The following PDZD2 variants were observed in gnomAD, a reference collection of about 807,000 sequenced individuals.
PDZD2 encodes PDZ domain containing 2, also known as PDZ domain-containing protein 2.
Under a neutral mutation model 220.7 loss-of-function variants are expected in PDZD2, and 90 were observed. The observed-to-expected ratio is 0.41, with a 90% confidence interval of 0.34 to 0.49. PDZD2 has a LOEUF of 0.49. PDZD2 is among the 20% of genes least tolerant of loss of function. PDZD2 has a pLI of 0.28. For synonymous variants in PDZD2, 1,375 were observed against 1,450.5 expected (o/e 0.95, Z 1.18); for missense variants, 3,174 against 3,608.5 (o/e 0.88, Z 3.08).
intron 1 of PDZD2, among the ~76,000 whole-genome samples, chr5:31,772,727 C>A (rs776288264): frequency 1.2e-4 from 18 of 144,240 alleles, no homozygotes; most frequent in Non-Finnish European, 2.4e-4. Flanking sequence ...GGAATCAGTG[C>A]TGCCTTTTTA....
chr5:31,925,352 A>T (rs896374749), intron 2 of PDZD2, among the ~76,000 whole-genome samples: 1 of 152,220 alleles, frequency 6.6e-6, no homozygotes, highest in African/African-American at 2.4e-5. Context: ...TAACAAAAAA[A>T]AAATGAGGAA....
intron 5 of PDZD2, among the ~76,000 whole-genome samples, chr5:32,003,338 AC>A (rs767673463): frequency 0.3 from 13,437 of 44,504 alleles, 2,157 homozygotes; most frequent in Admixed American, 0.36. Flanking sequence ...CCCCCACCAC[AC>A]CACACACACA....
At chr5:31,816,042 A>G (rs1035285455) in intron 2 of PDZD2, among the ~76,000 whole-genome samples, 23 of 152,064 alleles carry the variant, frequency 1.5e-4, no homozygotes, top group African/African-American at 5.6e-4. Context: ...TAATCCCAAC[A>G]TTTTGGGAGG....
At chr5:31,672,740 T>C (rs1181978926) in intron 1 of PDZD2, among the ~76,000 whole-genome samples, 1 of 152,118 alleles carries the variant, frequency 6.6e-6, no homozygotes, top group African/African-American at 2.4e-5. Context: ...CAACCTGAAA[T>C]TCTAGGAGGT....
chr5:31,883,357 A>G (rs1740123361), intron 2 of PDZD2, among the ~76,000 whole-genome samples: 1 of 149,384 alleles, frequency 6.7e-6, no homozygotes, highest in Non-Finnish European at 1.5e-5. Context: ...AGTAGCTGGG[A>G]TTACAGGTGT....
intron 1 of PDZD2, among the ~76,000 whole-genome samples, chr5:31,793,781 T>C (rs543348287): frequency 6.6e-6 from 1 of 152,314 alleles, no homozygotes; most frequent in South Asian, 2.1e-4. Context: ...CACTCCAGCA[T>C]GGGCAACAGA....
At position 32,087,705 on chromosome 5, in the gene PDZD2, TAG is replaced by T; in HGVS notation, c.4264_4265del (p.Ser1422ProfsTer6). On this transcript the variant is annotated frameshift_variant, in exon 20 of 25. Transcript: ENST00000438447. LOFTEE classifies it high-confidence loss of function. The surrounding 1 kb of genome is among the most constrained non-coding windows in gnomAD (Gnocchi z 4.0). ...VSGHCCPGGS[R>X]ESPVTDIDSF... ...CGGGGCACTGCTGCCCAGGGGGGAG[TAG>T]AGAGAGCCCTGTGACGGACATTGAC... 3.1e-6 allele frequency: 5 copies of T among 1,613,370 alleles called. No homozygotes were observed. The highest frequency in any genetic ancestry group is 4.2e-6 in the Non-Finnish European group (5 of 1,179,750).
intron 20 of PDZD2, among the ~76,000 whole-genome samples, chr5:32,091,558 C>T (rs1182152490): frequency 6.6e-6 from 1 of 152,138 alleles, no homozygotes. Flanking sequence ...GCCGGGATTA[C>T]AGGTGTGAGC....
At chr5:31,920,506 T>TA (rs869254209) in intron 2 of PDZD2, among the ~76,000 whole-genome samples, 2,582 of 39,860 alleles carry the variant, frequency 0.065, 72 homozygotes, top group African/African-American at 0.29. Context: ...GTTATATATT[T>TA]AAAAAAAAAA....
chr5:32,032,444 C>T (rs575122090), intron 6 of PDZD2, among the ~76,000 whole-genome samples: 1 of 152,310 alleles, frequency 6.6e-6, no homozygotes, highest in East Asian at 1.9e-4. Flanking sequence ...CTGCTTCCGC[C>T]TTCATGCCCA....
At position 31,886,688 on chromosome 5, in the gene PDZD2, A is replaced by G. The variant is rs574143687; in HGVS notation, c.476+86964A>G. On this transcript the variant is annotated intron_variant, in intron 2 of 24. Coordinates refer to ENST00000438447, the MANE Select transcript of PDZD2 (RefSeq NM_178140.4). ...CACTTCTGCATCAGGTAGATTCTGC[A>G]CTTGTCTCTGTCTCTTTTTTTTTTT... Among the ~76,000 whole-genome samples, 5 of 123,454 alleles carry G rather than the reference A, an allele frequency of 4.1e-5. No homozygotes were observed. The East Asian group carries it at 1.2e-3, about 29-fold the overall frequency. The allele number at this position is 123,454 out of a possible 152,430, so 81.0% of individuals were successfully genotyped here.
chr5:31,690,629 C>A (rs933758896), intron 1 of PDZD2, among the ~76,000 whole-genome samples: 1 of 152,132 alleles, frequency 6.6e-6, no homozygotes, highest in Admixed American at 6.5e-5. Context: ...CCATGTTGCC[C>A]CTCCTCTTCT....
chr5:31,647,157 TGAG>T (rs763974003), intron 1 of PDZD2, among the ~76,000 whole-genome samples: 98 of 152,160 alleles, frequency 6.4e-4, no homozygotes, highest in Non-Finnish European at 1.1e-3. Flanking sequence ...GTCTTTATCT[TGAG>T]GATCTCTGAA....
chr5:32,071,547 G>A (rs1009019585), intron 16 of PDZD2, 129 bp downstream of exon 16: 3 of 733,236 alleles, frequency 4.1e-6, no homozygotes, highest in Admixed American at 4.2e-5. Flanking sequence ...CTTTATACAG[G>A]AAATCGCAAC....
intron 2 of PDZD2, among the ~76,000 whole-genome samples, chr5:31,932,500 G>A (rs1032424415): frequency 3.3e-5 from 5 of 152,152 alleles, no homozygotes; most frequent in African/African-American, 7.2e-5. Context: ...AGTGAGCCAA[G>A]ATTGCACCAC....
At chr5:31,998,330 G>A (rs780156235) in intron 4 of PDZD2, among the ~76,000 whole-genome samples, 3 of 152,136 alleles carry the variant, frequency 2.0e-5, no homozygotes, top group Admixed American at 6.6e-5. Flanking sequence ...TCTGCTTCAG[G>A]AATTTTTGAA....
intron 2 of PDZD2, among the ~76,000 whole-genome samples, chr5:31,807,781 G>T (rs533157326): frequency 6.6e-6 from 1 of 152,248 alleles, no homozygotes; most frequent in South Asian, 2.1e-4. Context: ...TAGAAGAGGG[G>T]CCAGGATGCT....
chr5:31,671,061 A>G (rs929740912), intron 1 of PDZD2, among the ~76,000 whole-genome samples: 4 of 152,072 alleles, frequency 2.6e-5, no homozygotes, highest in South Asian at 4.2e-4. Flanking sequence ...GAGAGGCAGA[A>G]CTGTCCTTAG....
chr5:31,721,817 G>A (rs10072624), intron 1 of PDZD2, among the ~76,000 whole-genome samples: 37,887 of 151,762 alleles, frequency 0.25, 5,180 homozygotes, highest in African/African-American at 0.36. Flanking sequence ...TGAGGAGGCT[G>A]AGAATGAGGA....
Sources: gnomAD v4.1 joint callset for allele counts (sites outside exome capture counted in the v4.1 genomes callset) on GRCh38, gnomAD v4.1.1 for gene constraint, Gnocchi (gnomAD v3.1) non-coding constraint, MANE v1.5 for transcripts, NCBI Gene and HGNC (gene_info 2026-07-23, HGNC 2026-07-21) for gene names.